The following TET1 variants were observed in gnomAD, a reference collection of about 807,000 sequenced individuals.
TET1 encodes methylcytosine dioxygenase TET1.
In TET1, 13 loss-of-function variants were observed where a neutral mutation model predicts 148.7. The observed-to-expected ratio is 0.09, with a 90% CI of 0.06 to 0.14. The LOEUF is 0.14. TET1 is among the 10% of genes least tolerant of loss of function. TET1 has a pLI of 1.00. For missense variants in TET1, 2,182 were observed against 2,553.8 expected, an observed-to-expected ratio of 0.85 and a Z score of 3.14; for synonymous variants, 907 against 937.2, an observed-to-expected ratio of 0.97 and a Z score of 0.59.
chr10:68,673,960 CTTTTTTTTTTT>C (rs869073350), intron 8 of TET1, among the ~76,000 whole-genome samples: 1 of 72,400 alleles, frequency 1.4e-5, no homozygotes, highest in Admixed American at 1.5e-4. Context: ...TTTTCTTTTT[CTTTTTTTTTTT>C]TTTTTTTGAG....
chr10:68,658,370 C>G (rs1274752937), intron 6 of TET1, among the ~76,000 whole-genome samples: 5 of 152,044 alleles, frequency 3.3e-5, no homozygotes, highest in Non-Finnish European at 7.4e-5. Context: ...AACTCCTGAC[C>G]TCAAGTAATC....
At chr10:68,586,645 T>G (rs560644430) in intron 2 of TET1, among the ~76,000 whole-genome samples, 6 of 152,090 alleles carry the variant, frequency 3.9e-5, no homozygotes, top group African/African-American at 1.4e-4. Context: ...ACATCAGTTT[T>G]TTTTTTTTTT....
chr10:68,673,960 CTTTTT>C (rs869073350), intron 8 of TET1, among the ~76,000 whole-genome samples: 1 of 72,396 alleles, frequency 1.4e-5, no homozygotes, highest in Admixed American at 1.5e-4. Context: ...TTTTCTTTTT[CTTTTT>C]TTTTTTTTTT....
At chr10:68,636,416 G>A (rs2054650464) in intron 3 of TET1, among the ~76,000 whole-genome samples, 1 of 152,100 alleles carries the variant, frequency 6.6e-6, no homozygotes, top group Non-Finnish European at 1.5e-5. Context: ...AGATGAGGGT[G>A]GAGTTCTCGT....
intron 3 of TET1, chr10:68,632,537 G>A: frequency 6.2e-7 from 1 of 1,611,452 alleles, no homozygotes; most frequent in Non-Finnish European, 8.5e-7. Context: ...AGTAGAATTA[G>A]AAGATCATGT....
intron 3 of TET1, among the ~76,000 whole-genome samples, chr10:68,624,634 T>TTCTTTC (rs2054432145): frequency 2.2e-5 from 1 of 46,012 alleles, no homozygotes; most frequent in Non-Finnish European, 4.0e-5. Flanking sequence ...CTTTCTTTCT[T>TTCTTTC]TCTTTCTTTC....
Position 68,573,790 on chromosome 10 carries a change from G to T in TET1, c.1452G>T (p.Glu484Asp), listed in dbSNP as rs538486517. Residue 484 changes from glutamate (E) to aspartate (D), a missense_variant, in exon 2 of 12, where the codon GAG (glutamate) becomes GAT (aspartate). By Grantham distance (45) the Glu-to-Asp change is conservative (BLOSUM62 2). This residue lies in a region of TET1 where 665 missense variants were observed against 672.4 expected (regional missense o/e 0.99). Transcript: ENST00000373644. The part of the protein sequence containing the change: ...GHTPQSSSNS[E>D]KNSLPPVMAI... ...CTCCTCAATCATCATCAAACTCAGA[G>T]AAAAATTCATTACCTCCAGTAATGG... 1.1e-5 allele frequency: 17 copies of T among 1,613,924 alleles called. 2 individuals are homozygous for T. The South Asian group carries it at 1.6e-4, about 16-fold the overall frequency.
At position 68,622,247 on chromosome 10, in the gene TET1, C is replaced by T. The variant is rs549720580; in HGVS notation, c.1968+21213C>T. Among the ~76,000 whole-genome samples the T allele has an allele frequency of 9.4e-4, 136 of 144,122 alleles. 1 individual carries two copies. Among genetic ancestry groups the T allele is most frequent in the African/African-American group, 1.7e-3 (66 of 38,254 alleles). The allele number at this position is 144,122 out of a possible 152,430, so 94.5% of individuals were successfully genotyped here. A position where few individuals can be genotyped will look rare whatever the true frequency, so the allele number is the denominator to read the frequency against. On this transcript the variant is annotated intron_variant, in intron 3 of 11. Transcript: ENST00000373644. Reference sequence around the variant, plus strand: ...CCTCCTTCCTCCCTTCCCTCCCTCCCTCCCTCCTTCCCTCTCTCCCTCTTC... The same window carrying T: ...CCTCCTTCCTCCCTTCCCTCCCTCCTTCCCTCCTTCCCTCTCTCCCTCTTC...
chr10:68,587,192 A>G (rs1213639035), intron 2 of TET1, among the ~76,000 whole-genome samples: 2 of 152,190 alleles, frequency 1.3e-5, no homozygotes, highest in African/African-American at 4.8e-5. Flanking sequence ...TGTTCTAGAC[A>G]GTTACACTAT....
intron 2 of TET1, among the ~76,000 whole-genome samples, chr10:68,581,946 A>G (rs749522326): frequency 4.6e-4 from 70 of 152,288 alleles, no homozygotes; most frequent in Non-Finnish European, 9.0e-4. Flanking sequence ...CATTTAATTA[A>G]CTTTCATTGA....
chr10:68,580,500 CCGGGCA>C (rs1415345794), intron 2 of TET1, among the ~76,000 whole-genome samples: 1 of 149,758 alleles, frequency 6.7e-6, no homozygotes, highest in Non-Finnish European at 1.5e-5. Flanking sequence ...TTGTAGAAGG[CCGGGCA>C]CGGTGGCTCA....
intron 3 of TET1, among the ~76,000 whole-genome samples, chr10:68,606,275 G>C (rs185117471): frequency 6.6e-6 from 1 of 152,260 alleles, no homozygotes; most frequent in Admixed American, 6.5e-5. Context: ...GCTGAGGCAG[G>C]AGAATCGCTT....
chr10:68,669,913 GGATTACA>G (rs2055250680), intron 7 of TET1, among the ~76,000 whole-genome samples: 1 of 151,934 alleles, frequency 6.6e-6, no homozygotes, highest in African/African-American at 2.4e-5. Flanking sequence ...CAAAGTGCTG[GGATTACA>G]GACGTGAGCC....
At chr10:68,670,315 T>C (rs2055255681) in intron 7 of TET1, among the ~76,000 whole-genome samples, 1 of 152,222 alleles carries the variant, frequency 6.6e-6, no homozygotes, top group Non-Finnish European at 1.5e-5. Flanking sequence ...TTTTCTCAGT[T>C]TTTGTCTGTC....
rs191205505 is a variant in TET1 at position 68,692,539 on chromosome 10, T to C, written c.*725T>C. On this transcript the variant is annotated 3_prime_UTR_variant, in exon 12 of 12. Transcript: ENST00000373644. ...CAAGAGAAATCATTTATCCTTGCTG[T>C]GTAGAGTTCCATCTTGTTAACTGCA... 4.0e-4 allele frequency: 93 copies of C among 232,552 alleles called. No homozygotes were observed. The highest frequency in any genetic ancestry group is 5.2e-4 in the Non-Finnish European group (61 of 117,410). The allele number at this position is 232,552 out of a possible 1,614,324, so 14.4% of individuals were successfully genotyped here. A position where few individuals can be genotyped will look rare whatever the true frequency, so the allele number is the denominator to read the frequency against.
intron 3 of TET1, among the ~76,000 whole-genome samples, chr10:68,637,393 A>G (rs1230564408): frequency 4.6e-5 from 7 of 152,098 alleles, no homozygotes; most frequent in Admixed American, 3.9e-4. Flanking sequence ...AGGTTGTTGG[A>G]AAAACTTTGG....
chr10:68,667,297 CTA>C, intron 7 of TET1, 41 bp downstream of exon 7: 1 of 1,510,574 alleles, frequency 6.6e-7, no homozygotes, highest in Non-Finnish European at 9.0e-7. Flanking sequence ...ATTCAGATCT[CTA>C]TTACATATTG....
intron 3 of TET1, among the ~76,000 whole-genome samples, chr10:68,632,127 G>C (rs577771357): frequency 6.6e-6 from 1 of 151,968 alleles, no homozygotes; most frequent in South Asian, 2.1e-4. Flanking sequence ...CGAGACCATC[G>C]TGGCTAACAT....
chr10:68,669,474 CTTTTT>C (rs3085667), intron 7 of TET1, among the ~76,000 whole-genome samples: 2 of 61,620 alleles, frequency 3.2e-5, no homozygotes, highest in East Asian at 7.4e-4. Context: ...CCATGCCCAG[CTTTTT>C]TTTTTTTTTT....
Sources: gnomAD v4.1 joint callset for allele counts (sites outside exome capture counted in the v4.1 genomes callset) on GRCh38, gnomAD v4.1.1 for gene constraint, gnomAD v4.1.1 regional missense constraint, MANE v1.5 for transcripts, NCBI Gene and HGNC (gene_info 2026-07-23, HGNC 2026-07-21) for gene names.